Variants in HECW2 observed in about 807,000 individuals in gnomAD.
HECW2 encodes E3 ubiquitin-protein ligase HECW2.
Under a neutral mutation model 175.2 loss-of-function variants are expected in HECW2, and 61 were observed. That is an observed-to-expected ratio of 0.35 (90% confidence interval 0.28 to 0.43). The LOEUF (loss-of-function observed/expected upper bound fraction) is 0.43, where lower values mean the gene tolerates loss of function less well. HECW2 is among the 20% of genes least tolerant of loss of function. The pLI is 1.00. For synonymous variants in HECW2, 671 were observed against 731.0 expected (o/e 0.92, Z 1.32); for missense variants, 1,524 against 2,000.5 (o/e 0.76, Z 4.54).
At chr2:196,462,397 T>C (rs1696782512) in intron 1 of HECW2, among the ~76,000 whole-genome samples, 1 of 152,182 alleles carries the variant, frequency 6.6e-6, no homozygotes, top group Non-Finnish European at 1.5e-5. Context: ...ACCATATTTT[T>C]CTTCAATGCA....
intron 2 of HECW2, among the ~76,000 whole-genome samples, chr2:196,407,986 T>A (rs1026182495): frequency 2.0e-5 from 3 of 152,206 alleles, no homozygotes; most frequent in African/African-American, 7.2e-5. Flanking sequence ...TCTGAATATA[T>A]AAAACCCTTA....
intron 2 of HECW2, among the ~76,000 whole-genome samples, chr2:196,377,305 A>G (rs984654953): frequency 6.6e-6 from 1 of 152,208 alleles, no homozygotes; most frequent in African/African-American, 2.4e-5. Flanking sequence ...TATTCTTGAT[A>G]TAAGGTACTA....
At chr2:196,235,111 G>GT (rs11377790) in intron 21 of HECW2, among the ~76,000 whole-genome samples, 14 of 148,340 alleles carry the variant, frequency 9.4e-5, no homozygotes, top group African/African-American at 3.3e-4. Flanking sequence ...TTTTTTTTTT[G>GT]TTTTTAGACC....
At chr2:196,324,686 T>C (rs1692078644) in intron 6 of HECW2, among the ~76,000 whole-genome samples, 1 of 152,224 alleles carries the variant, frequency 6.6e-6, no homozygotes, top group Non-Finnish European at 1.5e-5. Flanking sequence ...ATTTTATTCA[T>C]TATGAATTTT....
At position 196,278,133 on chromosome 2, in the gene HECW2, A is replaced by AATAT. The variant is rs71009094; in HGVS notation, c.3135+391_3135+394dup. Among the ~76,000 whole-genome samples the AATAT allele has an allele frequency of 3.0e-4, 20 of 66,566 alleles. 2 individuals carry two copies. In the South Asian group the frequency reaches 3.2e-3, roughly 11 times the overall value. The allele number at this position is 66,566 out of a possible 152,430, so 43.7% of individuals were successfully genotyped here. On this transcript the variant is annotated intron_variant, in intron 15 of 28. Coordinates refer to ENST00000644978, the MANE Select transcript of HECW2 (RefSeq NM_001348768.2). ...CCTAGAACTTAAAGTATAATTAAAA[A>AATAT]ATATATATATATATATATAAAGAAA...
chr2:196,313,109 A>C (rs1575400155), intron 10 of HECW2, among the ~76,000 whole-genome samples: 1 of 152,282 alleles, frequency 6.6e-6, no homozygotes. Flanking sequence ...TTCCTAGAAA[A>C]ACTACCATTT....
At chr2:196,531,681 A>C (rs986016385) in intron 1 of HECW2, among the ~76,000 whole-genome samples, 4 of 151,824 alleles carry the variant, frequency 2.6e-5, no homozygotes, top group Non-Finnish European at 5.9e-5. Context: ...ACAAAAAAAA[A>C]AGTTTTCAGG....
intron 1 of HECW2, among the ~76,000 whole-genome samples, chr2:196,518,654 CA>C (rs747681637): frequency 0.12 from 8,990 of 77,238 alleles, 129 homozygotes; most frequent in Non-Finnish European, 0.15. Context: ...GATTCTGTCT[CA>C]AAAAAAAAAA....
chr2:196,254,194 T>C (rs539409971), intron 18 of HECW2, among the ~76,000 whole-genome samples, 165 bp from the exon 19 acceptor site: 134 of 152,312 alleles, frequency 8.8e-4, no homozygotes, highest in African/African-American at 3.0e-3. Context: ...TGGCTGGCTG[T>C]GGTGCTTTTT....
At chr2:196,355,274 C>T (rs1559062984) in intron 2 of HECW2, among the ~76,000 whole-genome samples, 1 of 152,130 alleles carries the variant, frequency 6.6e-6, no homozygotes, top group African/African-American at 2.4e-5. Context: ...CATGATTTTC[C>T]CCATCATACT....
intron 19 of HECW2, among the ~76,000 whole-genome samples, chr2:196,246,389 CTT>C (rs113458100): frequency 1.3e-5 from 2 of 149,230 alleles, no homozygotes; most frequent in African/African-American, 4.9e-5. Flanking sequence ...ACAAAAGAAA[CTT>C]TTTTTTTTTC....
chr2:196,562,584 C>A (rs900706757), intron 1 of HECW2, among the ~76,000 whole-genome samples: 6 of 152,104 alleles, frequency 3.9e-5, no homozygotes, highest in African/African-American at 1.4e-4. Flanking sequence ...CAAGTAAACC[C>A]CAGCCTTATC....
intron 22 of HECW2, among the ~76,000 whole-genome samples, chr2:196,227,035 C>T (rs912183294): frequency 1.3e-5 from 2 of 152,160 alleles, no homozygotes; most frequent in Admixed American, 6.5e-5. Flanking sequence ...TACTGAGATT[C>T]GTACAGTAAG....
intron 2 of HECW2, among the ~76,000 whole-genome samples, chr2:196,372,812 T>C (rs920340106): frequency 1.3e-5 from 2 of 152,218 alleles, no homozygotes; most frequent in African/African-American, 2.4e-5. Flanking sequence ...ATCGGTTAAC[T>C]ATATGACTAA....
At chr2:196,558,047 C>T (rs1689869877) in intron 1 of HECW2, among the ~76,000 whole-genome samples, 1 of 152,092 alleles carries the variant, frequency 6.6e-6, no homozygotes, top group Admixed American at 6.5e-5. Context: ...GATACTAATC[C>T]TATGGAATAG....
intron 14 of HECW2, among the ~76,000 whole-genome samples, chr2:196,284,244 G>A (rs1690299169): frequency 6.6e-6 from 1 of 152,214 alleles, no homozygotes; most frequent in Non-Finnish European, 1.5e-5. Context: ...TCTACATACT[G>A]CGTCCAATTC....
Position 196,325,057 on chromosome 2 carries a change from G to A in HECW2, c.664C>T (p.Pro222Ser), listed in dbSNP as rs1692096312. ...SIQPGKKSSF[P>S]TCAHHGQERR... ...TCCTGCCCGTGGTGGGCACAGGTGG[G>A]GAAACTGCTCTTCTTTCCTGGCTGA... The change falls in exon 6 of 29, where the codon CCC becomes TCC. Residue 222 changes from proline (P) to serine (S), a missense_variant. Transcript: ENST00000644978. 6.2e-7 allele frequency: 1 copy of A among 1,612,398 alleles called. No homozygotes were observed. Among genetic ancestry groups the A allele is most frequent in the Non-Finnish European group, 8.5e-7 (1 of 1,179,388 alleles).
intron 1 of HECW2, among the ~76,000 whole-genome samples, chr2:196,532,031 A>C (rs77162530): frequency 0.035 from 5,399 of 152,326 alleles, 317 homozygotes; most frequent in African/African-American, 0.12. Flanking sequence ...TGTGCCCTGC[A>C]CACAACTGGC....
chr2:196,271,350 T>A, intron 16 of HECW2, 61 bp from the exon 17 acceptor site: 1 of 1,270,542 alleles, frequency 7.9e-7, no homozygotes, highest in Non-Finnish European at 1.1e-6. Flanking sequence ...GTTTTATGTA[T>A]ATAAATCCAA....
Sources: allele counts gnomAD v4.1 joint callset (sites outside exome capture counted in the v4.1 genomes callset), GRCh38; gene constraint gnomAD v4.1.1; transcripts MANE v1.5; gene names NCBI Gene and HGNC (gene_info 2026-07-23, HGNC 2026-07-21).